PPM1H: variants seen among roughly 807,000 people sequenced by gnomAD.
PPM1H encodes the protein protein phosphatase 1H.
In PPM1H, 27 loss-of-function variants were observed where a neutral mutation model predicts 54.9. The ratio of observed to expected loss-of-function variants is 0.49; its 90% confidence interval spans 0.36 to 0.68. The LOEUF is 0.68. Ranked by LOEUF, PPM1H falls within the 30% of genes least tolerant of loss-of-function variation. The probability of loss-of-function intolerance (pLI) is 0.00; values close to 1 mark genes in which losing one functional copy is unlikely to be tolerated. For missense variants in PPM1H, 596 were observed against 667.8 expected (o/e 0.89, Z 1.19); for synonymous variants, 305 against 270.8 (o/e 1.13, Z -1.24).
At chr12:62,686,208 C>T (rs1415691480) in intron 8 of PPM1H, among the ~76,000 whole-genome samples, 5 of 152,152 alleles carry the variant, frequency 3.3e-5, no homozygotes, top group Non-Finnish European at 7.3e-5. Context: ...ACCTACAGTC[C>T]CTTCCTGAGA....
rs954386166 is a variant in PPM1H at position 62,788,445 on chromosome 12, G to T, written c.757-107C>A. 3 of 697,196 alleles carry T rather than the reference G, an allele frequency of 4.3e-6. No individual in the cohort carries two copies. In the African/African-American group the frequency reaches 5.4e-5, roughly 12 times the overall value. 43.2% of individuals were successfully genotyped at this position (697,196 alleles called of 1,614,324 possible). On this transcript the variant is annotated intron_variant, in intron 3 of 9. Transcript: ENST00000228705. ...CCAGACTCTGAATGTGCTTCAAGAA[G>T]GGACTAGAAAAATCTTTAGTGCTTG... is the stretch of plus-strand genomic sequence containing the variant.
chr12:62,818,365 C>G (rs753239864), intron 2 of PPM1H, among the ~76,000 whole-genome samples: 1 of 152,114 alleles, frequency 6.6e-6, no homozygotes, highest in Non-Finnish European at 1.5e-5. Flanking sequence ...AATAAAGACT[C>G]TTTATAACCT....
At chr12:62,817,150 A>G (rs1467921269) in intron 2 of PPM1H, among the ~76,000 whole-genome samples, 3 of 115,344 alleles carry the variant, frequency 2.6e-5, no homozygotes, top group Non-Finnish European at 5.5e-5. Flanking sequence ...AAAAAAAAAA[A>G]CTAAAAAAAA....
intron 3 of PPM1H, among the ~76,000 whole-genome samples, chr12:62,801,199 T>C (rs896373240): frequency 6.6e-6 from 1 of 152,250 alleles, no homozygotes; most frequent in South Asian, 2.1e-4. Flanking sequence ...ATGGTGATCA[T>C]GCTCACATCT....
intron 2 of PPM1H, among the ~76,000 whole-genome samples, chr12:62,804,213 G>A (rs928548441): frequency 3.3e-5 from 5 of 152,130 alleles, no homozygotes; most frequent in African/African-American, 9.7e-5. Context: ...AAATAGCTGG[G>A]CACAGTGGCT....
intron 1 of PPM1H, among the ~76,000 whole-genome samples, chr12:62,855,100 T>G (rs556097043): frequency 6.6e-6 from 1 of 151,748 alleles, no homozygotes; most frequent in Admixed American, 6.5e-5. Flanking sequence ...TGATAAAGAA[T>G]GTACTGATCC....
chr12:62,665,956 T>C (rs2075915611), intron 9 of PPM1H, among the ~76,000 whole-genome samples: 1 of 152,208 alleles, frequency 6.6e-6, no homozygotes, highest in African/African-American at 2.4e-5. Flanking sequence ...CTTAAACTCC[T>C]GTGGCTCAAG....
At chr12:62,768,809 G>A (rs924475848) in intron 4 of PPM1H, among the ~76,000 whole-genome samples, 1 of 152,040 alleles carries the variant, frequency 6.6e-6, no homozygotes, top group Non-Finnish European at 1.5e-5. Context: ...GGAGGAGGTG[G>A]AACAAAGAAC....
intron 6 of PPM1H, among the ~76,000 whole-genome samples, chr12:62,709,385 T>C (rs2076194092): frequency 6.6e-6 from 1 of 152,320 alleles, no homozygotes; most frequent in South Asian, 2.1e-4. Context: ...AGCTGGGGCC[T>C]ACTTGTCCAT....
chr12:62,886,869 A>G (rs1870607709), intron 1 of PPM1H, among the ~76,000 whole-genome samples: 1 of 152,214 alleles, frequency 6.6e-6, no homozygotes. Context: ...TGCGGTTTTA[A>G]CTCAGTAAAG....
chr12:62,760,409 A>G (rs1302501223), intron 4 of PPM1H, among the ~76,000 whole-genome samples: 1 of 151,932 alleles, frequency 6.6e-6, no homozygotes. Context: ...CCTCCTCCCC[A>G]GGCTGCTCCT....
At chr12:62,802,285 G>T in intron 2 of PPM1H, 125 bp from the exon 3 acceptor site, 1 of 682,774 alleles carries the variant, frequency 1.5e-6, no homozygotes, top group Non-Finnish European at 2.3e-6. Context: ...AAACAATGCG[G>T]TCAAAACATA....
chr12:62,813,601 A>G (rs1283805863), intron 2 of PPM1H, among the ~76,000 whole-genome samples: 1 of 152,264 alleles, frequency 6.6e-6, no homozygotes, highest in Non-Finnish European at 1.5e-5. Flanking sequence ...AATTTCTGCA[A>G]AGAAACTACA....
intron 4 of PPM1H, among the ~76,000 whole-genome samples, chr12:62,769,849 T>G (rs1051911277): frequency 2.6e-5 from 4 of 152,064 alleles, no homozygotes; most frequent in Non-Finnish European, 5.9e-5. Flanking sequence ...AGGCGAAAAG[T>G]GGGCTGGAGG....
At chr12:62,860,815 A>G (rs1869571944) in intron 1 of PPM1H, among the ~76,000 whole-genome samples, 1 of 152,242 alleles carries the variant, frequency 6.6e-6, no homozygotes, top group African/African-American at 2.4e-5. Flanking sequence ...AATTGTTGCT[A>G]TTAAGTTTCC....
chr12:62,923,423 CAA>C (rs1343171946), intron 1 of PPM1H, among the ~76,000 whole-genome samples: 2 of 151,982 alleles, frequency 1.3e-5, no homozygotes, highest in African/African-American at 4.8e-5. Flanking sequence ...TTTAACAAGA[CAA>C]AGTCTCCCTC....
chr12:62,874,007 C>CA (rs1344802033), intron 1 of PPM1H, among the ~76,000 whole-genome samples: 14 of 151,292 alleles, frequency 9.3e-5, no homozygotes, highest in South Asian at 4.2e-4. Flanking sequence ...GGCCCTGAGG[C>CA]AAAAAAAATC....
intron 1 of PPM1H, among the ~76,000 whole-genome samples, chr12:62,849,672 G>C (rs1869106340): frequency 6.6e-6 from 1 of 152,106 alleles, no homozygotes. Context: ...CACTGGTAAG[G>C]ACTATAAAAT....
chr12:62,844,927 T>C lies in PPM1H; in HGVS notation c.246-12648A>G, dbSNP rs1245486211. On this transcript the variant is annotated intron_variant, in intron 1 of 9. Coordinates refer to ENST00000228705, the MANE Select transcript of PPM1H (RefSeq NM_020700.2). The surrounding 1 kb of genome is among the most constrained non-coding windows in gnomAD (Gnocchi z 5.2). ...AATTATAAGCACTTCTACTAGGAAA[T>C]GAGCTTGGGAGTAGGATATGTTAAA... Among the ~76,000 whole-genome samples the C allele has an allele frequency of 6.6e-6, 1 of 152,228 alleles. No individual in the cohort carries two copies. The highest frequency in any genetic ancestry group is 1.5e-5 in the Non-Finnish European group (1 of 68,038).
Sources: allele counts gnomAD v4.1 joint callset (sites outside exome capture counted in the v4.1 genomes callset), GRCh38; gene constraint gnomAD v4.1.1; non-coding constraint Gnocchi (gnomAD v3.1); transcripts MANE v1.5; gene names NCBI Gene and HGNC (gene_info 2026-07-23, HGNC 2026-07-21).